ZNF518A: variants seen among roughly 807,000 people sequenced by gnomAD.
ZNF518A encodes zinc finger protein 518A.
ZNF518A carries 47 observed loss-of-function variants against 102.7 expected under a neutral mutation model. That is an observed-to-expected ratio of 0.46 (90% CI 0.36 to 0.58). The LOEUF is 0.58. Ranked by LOEUF, ZNF518A falls within the 20% of genes least tolerant of loss-of-function variation. ZNF518A has a pLI of 0.00. For synonymous variants in ZNF518A, 652 were observed against 594.6 expected (o/e 1.10, Z -1.40); for missense variants, 1,793 against 1,699.8 (o/e 1.05, Z -0.96).
At chr10:96,165,981 C>T (rs2083137180), downstream of ZNF518A, among the ~76,000 whole-genome samples, 1 of 152,112 alleles carries the variant, frequency 6.6e-6, no homozygotes, top group Non-Finnish European at 1.5e-5. Context: ...TGGTGTAACT[C>T]TCAGACTGAG....
chr10:96,169,874 C>G (rs1212978229), intron 1 of ZNF518A, among the ~76,000 whole-genome samples: 1 of 152,170 alleles, frequency 6.6e-6, no homozygotes, highest in African/African-American at 2.4e-5. Flanking sequence ...TTTTGTAATG[C>G]TTGTATTCTT....
In ZNF518A at chr10:96,159,931, A is replaced by C; in HGVS notation, c.3609A>C (p.Ala1203=). Residue 1203 remains alanine (A), a synonymous_variant, in exon 6 of 6, where the codon GCA becomes GCC. Coordinates refer to ENST00000316045, the MANE Select transcript of ZNF518A (RefSeq NM_001330736.2). The part of the protein sequence containing the change: ...LPFLLDDLMP[A]NEIVITSTAT... Reference sequence around the variant, plus strand: ...TCTTACTAGATGACTTAATGCCAGCAAATGAAATTGTGATAACTTCTACTG... The same window carrying C: ...TCTTACTAGATGACTTAATGCCAGCCAATGAAATTGTGATAACTTCTACTG... The C allele has an allele frequency of 6.2e-7, 1 of 1,613,594 alleles. No homozygotes were observed. The highest frequency in any genetic ancestry group is 8.5e-7 in the Non-Finnish European group (1 of 1,179,724).
At chr10:96,170,239 T>TGCCCCAGTTGTTATCTGTC (rs2083165889) in intron 1 of ZNF518A, among the ~76,000 whole-genome samples, 1 of 152,236 alleles carries the variant, frequency 6.6e-6, no homozygotes, top group Non-Finnish European at 1.5e-5. Flanking sequence ...GTCTGTTGCC[T>TGCCCCAGTTGTTATCTGTC]GCCCCAGTTG....
At chr10:96,151,816 T>A (rs2082463528) in intron 3 of ZNF518A, among the ~76,000 whole-genome samples, 1 of 152,200 alleles carries the variant, frequency 6.6e-6, no homozygotes, top group African/African-American at 2.4e-5. Context: ...GTTTTTAAAT[T>A]ATATTTTTTG....
chr10:96,152,291 C>T (rs1032251229), intron 3 of ZNF518A, among the ~76,000 whole-genome samples: 48 of 152,040 alleles, frequency 3.2e-4, no homozygotes, highest in African/African-American at 1.0e-3. Context: ...CCAGCCTGGG[C>T]GACAGCGAGA....
chr10:96,139,076 G>A (rs1249901020), intron 3 of ZNF518A, among the ~76,000 whole-genome samples: 1 of 151,784 alleles, frequency 6.6e-6, no homozygotes, highest in Admixed American at 6.6e-5. Context: ...ATTTCAAGTA[G>A]GGAACAGCAG....
intron 1 of ZNF518A, among the ~76,000 whole-genome samples, chr10:96,172,324 A>G (rs587746102): frequency 6.6e-6 from 1 of 152,134 alleles, no homozygotes; most frequent in Non-Finnish European, 1.5e-5. Flanking sequence ...AGGAAAGTAG[A>G]TGGGAATAAA....
chr10:96,159,392 A>T lies in ZNF518A; in HGVS notation c.3070A>T (p.Thr1024Ser). Residue 1024 changes from threonine (T) to serine (S), a missense_variant, in exon 6 of 6, where the codon ACA becomes TCA. Around this residue, in one of 3 missense-constraint regions of ZNF518A, gnomAD observed 1,741 missense variants for 1,622.6 expected, o/e 1.07. Transcript: ENST00000316045. ...GGTAGAACCAAACAATAATTGTCTT[A>T]CACCTGGACTTTGTTCCAGCATTGG... ...LKVEPNNNCL[T>S]PGLCSSIGSC... 6.2e-7 allele frequency: 1 copy of T among 1,613,808 alleles called. No individual in the cohort carries two copies. Among genetic ancestry groups the T allele is most frequent in the Non-Finnish European group, 8.5e-7 (1 of 1,179,802 alleles).
At chr10:96,181,949 T>C (rs2083242769) in intron 1 of ZNF518A, among the ~76,000 whole-genome samples, 1 of 152,234 alleles carries the variant, frequency 6.6e-6, no homozygotes, top group Non-Finnish European at 1.5e-5. Context: ...TTTCATGATA[T>C]TGATTCTTCC....
chr10:96,172,164 GA>G (rs1473629285), intron 1 of ZNF518A, among the ~76,000 whole-genome samples: 24 of 149,518 alleles, frequency 1.6e-4, no homozygotes, highest in African/African-American at 5.6e-4. Context: ...GAATTCACAG[GA>G]AAAAAGAAAG....
At chr10:96,170,106 C>G (rs1272550689) in intron 1 of ZNF518A, among the ~76,000 whole-genome samples, 2 of 152,194 alleles carry the variant, frequency 1.3e-5, no homozygotes, top group African/African-American at 4.8e-5. Flanking sequence ...CACATCTTTT[C>G]TAAGCACACG....
At chr10:96,166,760 C>G (rs1408652786), downstream of ZNF518A, among the ~76,000 whole-genome samples, 1 of 152,066 alleles carries the variant, frequency 6.6e-6, no homozygotes, top group Non-Finnish European at 1.5e-5. Flanking sequence ...GAGCGAGACT[C>G]TGTCTCAAAA....
intron 1 of ZNF518A, among the ~76,000 whole-genome samples, chr10:96,173,581 C>G (rs147119196): frequency 6.6e-6 from 1 of 152,198 alleles, no homozygotes; most frequent in African/African-American, 2.4e-5. Context: ...GAAGCTATAA[C>G]AATTTTAAAC....
chr10:96,185,959 C>T (rs1406810649), intron 1 of ZNF518A, among the ~76,000 whole-genome samples: 1 of 152,260 alleles, frequency 6.6e-6, no homozygotes, highest in African/African-American at 2.4e-5. Flanking sequence ...AGGCTGCTGC[C>T]TTGCAGTTCA....
chr10:96,154,356 TTC>T (rs1337346849), intron 3 of ZNF518A, among the ~76,000 whole-genome samples: 3 of 151,986 alleles, frequency 2.0e-5, no homozygotes, highest in Non-Finnish European at 4.4e-5. Context: ...TTCTTTCTCT[TTC>T]TCTGTTTCTT....
intron 1 of ZNF518A, among the ~76,000 whole-genome samples, chr10:96,185,391 T>C (rs2083266027): frequency 1.3e-5 from 2 of 152,236 alleles, no homozygotes; most frequent in Non-Finnish European, 1.5e-5. Context: ...AGAGGCACTC[T>C]GGCTTTCAAA....
intron 1 of ZNF518A, chr10:96,189,345 T>G (rs1554892940): frequency 1.8e-6 from 1 of 551,490 alleles, no homozygotes; most frequent in African/African-American, 1.9e-5. Flanking sequence ...GTTAACAAAT[T>G]GTTTAAACTA....
exon 3 of ZNF518A, chr10:96,204,004 A>G (rs1256998453): frequency 7.3e-6 from 11 of 1,508,360 alleles, no homozygotes; most frequent in Non-Finnish European, 9.2e-6. Flanking sequence ...ATCAGACTCT[A>G]GGATCCAGCC....
intron 1 of ZNF518A, among the ~76,000 whole-genome samples, chr10:96,186,840 C>G (rs2083274678): frequency 6.6e-6 from 1 of 152,158 alleles, no homozygotes; most frequent in Admixed American, 6.5e-5. Context: ...ATAGCAATAT[C>G]CTTCTCGTCT....
Sources: gnomAD v4.1 joint callset for allele counts (sites outside exome capture counted in the v4.1 genomes callset) on GRCh38, gnomAD v4.1.1 for gene constraint, gnomAD v4.1.1 regional missense constraint, MANE v1.5 for transcripts, NCBI Gene and HGNC (gene_info 2026-07-23, HGNC 2026-07-21) for gene names.